The following GLIS1 variants were observed in gnomAD, a reference collection of about 807,000 sequenced individuals.
GLIS1 encodes zinc finger protein GLIS1.
In GLIS1, 24 loss-of-function variants were observed where a neutral mutation model predicts 63.8. That is an observed-to-expected ratio of 0.38 (90% CI 0.27 to 0.53). The LOEUF is 0.53. Among genes scored for constraint, GLIS1 ranks in the 20% least tolerant of loss-of-function variants. GLIS1 has a pLI of 0.85. For missense variants in GLIS1, 1,036 were observed against 1,074.1 expected (o/e 0.96, Z 0.50); for synonymous variants, 450 against 482.5 (o/e 0.93, Z 0.88).
chr1:53,719,161 T>C (rs1646728192), intron 2 of GLIS1, among the ~76,000 whole-genome samples: 1 of 152,222 alleles, frequency 6.6e-6, no homozygotes, highest in African/African-American at 2.4e-5. Context: ...GCAGAAACAA[T>C]GCAGCCACCT....
intron 2 of GLIS1, among the ~76,000 whole-genome samples, chr1:53,672,857 T>C (rs1646167804): frequency 6.6e-6 from 1 of 152,200 alleles, no homozygotes; most frequent in Non-Finnish European, 1.5e-5. Context: ...CTCCCAAATG[T>C]AGCTGCCCAC....
At chr1:53,731,986 A>G (rs530080729) in intron 2 of GLIS1, among the ~76,000 whole-genome samples, 1 of 152,362 alleles carries the variant, frequency 6.6e-6, no homozygotes, top group South Asian at 2.1e-4. Flanking sequence ...CTCAAAGCAC[A>G]GGGCACGGCC....
chr1:53,589,646 G>T (rs1645169158), intron 4 of GLIS1, among the ~76,000 whole-genome samples: 1 of 152,230 alleles, frequency 6.6e-6, no homozygotes, highest in African/African-American at 2.4e-5. Flanking sequence ...GGCAAACAGT[G>T]GAGAGGGGCG....
intron 2 of GLIS1, among the ~76,000 whole-genome samples, chr1:53,601,564 C>T (rs1219218949): frequency 1.3e-5 from 2 of 152,304 alleles, no homozygotes; most frequent in East Asian, 3.9e-4. Context: ...TGGGGACACA[C>T]ACCACTGTCG....
intron 4 of GLIS1, among the ~76,000 whole-genome samples, chr1:53,572,928 G>C (rs986214678): frequency 9.2e-5 from 14 of 152,212 alleles, no homozygotes; most frequent in African/African-American, 4.8e-5. Context: ...GCTTGGGCTT[G>C]AGTCTGTCAT....
At chr1:53,730,902 C>A (rs1486151867) in intron 2 of GLIS1, among the ~76,000 whole-genome samples, 1 of 152,214 alleles carries the variant, frequency 6.6e-6, no homozygotes, top group Non-Finnish European at 1.5e-5. Flanking sequence ...TGATCCCCAG[C>A]CTGTTCTCCC....
intron 2 of GLIS1, among the ~76,000 whole-genome samples, chr1:53,690,082 C>A (rs189445865): frequency 6.6e-6 from 1 of 152,358 alleles, no homozygotes; most frequent in Admixed American, 6.5e-5. Flanking sequence ...GGCCTGCCCC[C>A]TCTGCTGTGA....
intron 9 of GLIS1, among the ~76,000 whole-genome samples, chr1:53,509,582 C>T (rs1644276429): frequency 6.6e-6 from 1 of 152,168 alleles, no homozygotes. Context: ...CTCAATCCCG[C>T]TCACTGGCCT....
At position 53,526,946 on chromosome 1, in the gene GLIS1, T is replaced by G. The variant is rs1168687980; in HGVS notation, c.1483-2059A>C. ...CCGGGCGGCCTCCCTCTGTCTGTAA[T>G]GAGGACGCTCCGGGTGAGTCTGCCG... On this transcript the variant is annotated intron_variant, in intron 5 of 10. Transcript: ENST00000628545. This position sits in a 1 kb window ranked among gnomAD's most constrained non-coding sequence, Gnocchi z 4.4. Among the ~76,000 whole-genome samples the G allele has an allele frequency of 2.0e-5, 3 of 152,238 alleles. No individual in the cohort carries two copies. Among genetic ancestry groups the G allele is most frequent in the Non-Finnish European group, 4.4e-5 (3 of 68,042 alleles).
intron 2 of GLIS1, among the ~76,000 whole-genome samples, chr1:53,705,051 C>T (rs1020479594): frequency 1.3e-5 from 2 of 152,158 alleles, no homozygotes; most frequent in African/African-American, 2.4e-5. Context: ...AACAGCATTG[C>T]GCCAAAGAGT....
chr1:53,631,815 A>C (rs1210656404), intron 2 of GLIS1, among the ~76,000 whole-genome samples: 1 of 152,124 alleles, frequency 6.6e-6, no homozygotes, highest in Non-Finnish European at 1.5e-5. Flanking sequence ...AGGGCATTTC[A>C]GGCAGAGGGA....
intron 4 of GLIS1, among the ~76,000 whole-genome samples, chr1:53,583,498 T>C (rs890966435): frequency 6.6e-6 from 1 of 152,160 alleles, no homozygotes; most frequent in Non-Finnish European, 1.5e-5. Context: ...TCCAGTCCCA[T>C]TGCCCCATCC....
At chr1:53,679,562 G>A (rs1462700542) in intron 2 of GLIS1, among the ~76,000 whole-genome samples, 4 of 152,262 alleles carry the variant, frequency 2.6e-5, no homozygotes, top group Non-Finnish European at 4.4e-5. Flanking sequence ...TCGGGCCCCA[G>A]AAAGCCACTT....
intron 4 of GLIS1, among the ~76,000 whole-genome samples, chr1:53,531,757 C>T (rs754764224): frequency 2.0e-5 from 3 of 152,176 alleles, no homozygotes; most frequent in Non-Finnish European, 4.4e-5. Context: ...GCCTGTGGGC[C>T]GCGAGCTGCT....
intron 3 of GLIS1, 38 bp downstream of exon 3, chr1:53,600,063 C>A (rs1645300402): frequency 8.6e-7 from 1 of 1,168,158 alleles, no homozygotes; most frequent in Non-Finnish European, 1.1e-6. Context: ...CCTGGGGCCT[C>A]CTGGGAGTGT....
chr1:53,635,164 A>G (rs145070517), intron 2 of GLIS1, among the ~76,000 whole-genome samples: 5,998 of 152,162 alleles, frequency 0.039, 174 homozygotes, highest in Non-Finnish European at 0.057. Flanking sequence ...AGAAGGGAGA[A>G]CGGCAGGAGC....
rs1645846560 is a variant in GLIS1 at position 53,646,583 on chromosome 1, G to A, written c.260-46305C>T. Among the ~76,000 whole-genome samples, 1 of 152,180 alleles carries A rather than the reference G, an allele frequency of 6.6e-6. No individual in the cohort carries two copies. Among genetic ancestry groups the A allele is most frequent in the African/African-American group, 2.4e-5 (1 of 41,452 alleles). On this transcript the variant is annotated intron_variant, in intron 2 of 10. Transcript: ENST00000628545. The surrounding 1 kb of genome is among the most constrained non-coding windows in gnomAD (Gnocchi z 4.2). ...CCAGCGCTTTGGGAGGCTAAGGTGG[G>A]TGGATCAGTTGAGGTCAGGAGTTTG...
At chr1:53,647,359 G>A (rs1645857869) in intron 2 of GLIS1, among the ~76,000 whole-genome samples, 1 of 152,122 alleles carries the variant, frequency 6.6e-6, no homozygotes, top group Non-Finnish European at 1.5e-5. Context: ...AAACAAATAG[G>A]CTAATGGAAC....
At chr1:53,596,209 C>G (rs571179720) in intron 3 of GLIS1, among the ~76,000 whole-genome samples, 3 of 152,166 alleles carry the variant, frequency 2.0e-5, no homozygotes, top group African/African-American at 7.2e-5. Context: ...TCCACCACTG[C>G]GCAGGAGGCC....
Sources: gnomAD v4.1 joint callset for allele counts (sites outside exome capture counted in the v4.1 genomes callset) on GRCh38, gnomAD v4.1.1 for gene constraint, Gnocchi (gnomAD v3.1) non-coding constraint, MANE v1.5 for transcripts, NCBI Gene and HGNC (gene_info 2026-07-23, HGNC 2026-07-21) for gene names.